Variants in USP34 observed in about 807,000 individuals in gnomAD.
The protein encoded by USP34 is ubiquitin specific peptidase 34.
Under a neutral mutation model 460.3 loss-of-function variants are expected in USP34, and 70 were observed. The ratio of observed to expected loss-of-function variants is 0.15; its 90% confidence interval spans 0.13 to 0.19. The LOEUF (loss-of-function observed/expected upper bound fraction) is 0.19, where lower values mean the gene tolerates loss of function less well. USP34 is among the 10% of genes least tolerant of loss of function. The pLI, the probability that USP34 is intolerant of heterozygous loss-of-function variation, is 1.00. For synonymous variants in USP34, 1,647 were observed against 1,405.3 expected (o/e 1.17, Z -3.85); for missense variants, 3,985 against 4,236.2 (o/e 0.94, Z 1.65).
At chr2:61,192,442 G>C (rs936485756) in intron 76 of USP34, among the ~76,000 whole-genome samples, 1 of 152,154 alleles carries the variant, frequency 6.6e-6, no homozygotes, top group Non-Finnish European at 1.5e-5. Context: ...ATCGCTGTAA[G>C]AAAACAAGTG....
At chr2:61,295,085 TA>T in intron 31 of USP34, 53 bp from the exon 32 acceptor site, 1 of 1,602,038 alleles carries the variant, frequency 6.2e-7, no homozygotes, top group South Asian at 1.1e-5. Context: ...AGAATTATTA[TA>T]GAATGGAAAA....
chr2:61,350,917 G>C (rs1691924838), intron 10 of USP34, among the ~76,000 whole-genome samples: 1 of 152,156 alleles, frequency 6.6e-6, no homozygotes, highest in African/African-American at 2.4e-5. Flanking sequence ...ATGACAAGCT[G>C]AATTTCCTAA....
At chr2:61,272,685 G>C (rs976603018) in intron 41 of USP34, among the ~76,000 whole-genome samples, 1 of 152,120 alleles carries the variant, frequency 6.6e-6, no homozygotes, top group African/African-American at 2.4e-5. Context: ...CATCTCTCCT[G>C]TATGAAAGCT....
At chr2:61,313,748 C>G (rs577921247) in intron 25 of USP34, among the ~76,000 whole-genome samples, 81 of 152,110 alleles carry the variant, frequency 5.3e-4, no homozygotes, top group East Asian at 1.2e-3. Context: ...TTAAAGAATT[C>G]TGTAATGTCC....
intron 1 of USP34, among the ~76,000 whole-genome samples, chr2:61,464,661 G>A (rs1261813097): frequency 1.5e-5 from 2 of 137,682 alleles, no homozygotes; most frequent in Admixed American, 8.2e-5. Context: ...AGGTTGCAGT[G>A]AGCCCAAGAT....
At chr2:61,329,593 T>G (rs1398303992) in intron 20 of USP34, among the ~76,000 whole-genome samples, 1 of 152,110 alleles carries the variant, frequency 6.6e-6, no homozygotes, top group African/African-American at 2.4e-5. Flanking sequence ...AAAGGTTGAG[T>G]TGAGTTCATA....
At chr2:61,278,955 TAACTA>T in intron 39 of USP34, among the ~76,000 whole-genome samples, 1 of 152,326 alleles carries the variant, frequency 6.6e-6, no homozygotes, top group South Asian at 2.1e-4. Context: ...CTTCTCGTTA[TAACTA>T]AACAACAACA....
chr2:61,236,529 T>C (rs1259640029), intron 53 of USP34, 140 bp from the exon 54 acceptor site: 2 of 638,070 alleles, frequency 3.1e-6, no homozygotes, highest in Non-Finnish European at 5.2e-6. Context: ...ATTTTGATTT[T>C]TTCCCAAGTA....
At chr2:61,228,173 T>C (rs985228336) in intron 61 of USP34, among the ~76,000 whole-genome samples, 2 of 152,218 alleles carry the variant, frequency 1.3e-5, no homozygotes, top group East Asian at 3.9e-4. Flanking sequence ...TTATCTCTTA[T>C]GGTTAAGAAA....
chr2:61,238,713 A>G (rs1688143629), intron 53 of USP34, among the ~76,000 whole-genome samples: 1 of 152,224 alleles, frequency 6.6e-6, no homozygotes, highest in Non-Finnish European at 1.5e-5. Context: ...AAAAATAGTA[A>G]GCTGGAACAA....
At chr2:61,312,382 TA>T (rs1690620245) in intron 25 of USP34, among the ~76,000 whole-genome samples, 1 of 152,142 alleles carries the variant, frequency 6.6e-6, no homozygotes, top group South Asian at 2.1e-4. Flanking sequence ...TCATGGCTGT[TA>T]AAATTATAAA....
chr2:61,334,611 G>A (rs1691362865), intron 18 of USP34, among the ~76,000 whole-genome samples: 1 of 152,078 alleles, frequency 6.6e-6, no homozygotes, highest in Non-Finnish European at 1.5e-5. Context: ...CACAAATTTA[G>A]GAAGTAAATT....
chr2:61,330,473 A>G (rs1391834958), intron 20 of USP34, among the ~76,000 whole-genome samples: 3 of 152,224 alleles, frequency 2.0e-5, no homozygotes, highest in Admixed American at 1.3e-4. Flanking sequence ...ATTTATTTTT[A>G]GAAGTATGCA....
intron 1 of USP34, among the ~76,000 whole-genome samples, chr2:61,464,465 T>C (rs898868078): frequency 4.6e-5 from 7 of 152,248 alleles, no homozygotes; most frequent in Non-Finnish European, 8.8e-5. Context: ...TTCAACTTTT[T>C]CACCAAATGG....
chr2:61,364,072 A>G (rs1200281739), intron 10 of USP34, among the ~76,000 whole-genome samples: 2 of 152,220 alleles, frequency 1.3e-5, no homozygotes, highest in East Asian at 1.9e-4. Flanking sequence ...TCATGGAGAC[A>G]GAAGATGACA....
chr2:61,324,650 T>C (rs1691028232), intron 21 of USP34, among the ~76,000 whole-genome samples: 2 of 151,912 alleles, frequency 1.3e-5, no homozygotes, highest in South Asian at 4.2e-4. Context: ...TGGTGCATAG[T>C]CCCACGTTAC....
chr2:61,381,677 T>C (rs188110552), intron 6 of USP34, among the ~76,000 whole-genome samples: 1 of 152,286 alleles, frequency 6.6e-6, no homozygotes, highest in Non-Finnish European at 1.5e-5. Context: ...GGATGTTTTC[T>C]TACACAGCAA....
At chr2:61,297,075 T>C in intron 29 of USP34, 150 bp from the exon 30 acceptor site, 1 of 1,058,132 alleles carries the variant, frequency 9.5e-7, no homozygotes, top group Non-Finnish European at 1.3e-6. Context: ...TGTTATATGA[T>C]ACATATTTGA....
At chr2:61,230,523 CA>C (rs1433786743) in intron 58 of USP34, among the ~76,000 whole-genome samples, 1 of 151,864 alleles carries the variant, frequency 6.6e-6, no homozygotes, top group Admixed American at 6.6e-5. Flanking sequence ...GACTCCAACT[CA>C]AAAACAACAC....
Sources: allele counts gnomAD v4.1 joint callset (sites outside exome capture counted in the v4.1 genomes callset), GRCh38; gene constraint gnomAD v4.1.1; transcripts MANE v1.5; gene names NCBI Gene and HGNC (gene_info 2026-07-23, HGNC 2026-07-21).